The following ABI3BP variants were observed in gnomAD, a reference collection of about 807,000 sequenced individuals.
ABI3BP encodes the protein target of Nesh-SH3.
ABI3BP carries 216 observed loss-of-function variants against 268.6 expected under a neutral mutation model. The ratio of observed to expected loss-of-function variants is 0.80; its 90% confidence interval spans 0.72 to 0.90. The LOEUF is 0.90. ABI3BP is among the 40% of genes least tolerant of loss of function. The pLI, the probability that ABI3BP is intolerant of heterozygous loss-of-function variation, is 0.00. For missense variants in ABI3BP, 2,090 were observed against 2,182.4 expected (o/e 0.96, Z 0.84); for synonymous variants, 730 against 730.0 (o/e 1.00, Z 0.00).
At chr3:100,805,827 T>A (rs930798234) in intron 50 of ABI3BP, among the ~76,000 whole-genome samples, 5 of 152,066 alleles carry the variant, frequency 3.3e-5, no homozygotes, top group Non-Finnish European at 7.4e-5. Context: ...GTTATAAGAA[T>A]CCAATGTGAA....
At chr3:100,988,080 C>G (rs2092274183) in intron 1 of ABI3BP, among the ~76,000 whole-genome samples, 1 of 152,162 alleles carries the variant, frequency 6.6e-6, no homozygotes, top group Non-Finnish European at 1.5e-5. Flanking sequence ...CAGAACCACA[C>G]CAAGTAGGCT....
In ABI3BP at chr3:100,761,668, C is replaced by A. The variant is rs35627198; in HGVS notation, c.4850+4173G>T. 2.6e-5 allele frequency among the ~76,000 whole-genome samples: 4 copies of A among 152,116 alleles called. No individual in the cohort carries two copies. In the South Asian group the frequency reaches 8.3e-4, roughly 32 times the overall value. On this transcript the variant is annotated intron_variant, in intron 63 of 67. Coordinates refer to ENST00000471714, the MANE Select transcript of ABI3BP (RefSeq NM_001375547.2). ...GAAAGGTAGGGGAATACTCCACTGT[C>A]ACTCTGTTTCAGGATTAGGGTGTGA...
chr3:100,824,750 G>C, intron 36 of ABI3BP, 108 bp downstream of exon 36: 1 of 886,580 alleles, frequency 1.1e-6, no homozygotes, highest in Non-Finnish European at 1.7e-6. Context: ...TTATGCCCTC[G>C]TGCTTAGGGA....
At chr3:100,751,426 T>G (rs1218333401) in intron 67 of ABI3BP, 126 bp downstream of exon 67, 2 of 1,048,456 alleles carry the variant, frequency 1.9e-6, no homozygotes, top group Non-Finnish European at 2.5e-6. Context: ...AGTCTTCATT[T>G]TTTCCTAGAT....
intron 51 of ABI3BP, among the ~76,000 whole-genome samples, chr3:100,798,843 A>T (rs1447155352): frequency 6.6e-6 from 1 of 152,208 alleles, no homozygotes; most frequent in Non-Finnish European, 1.5e-5. Context: ...AAAGTAAGAC[A>T]TATAGACTAC....
chr3:100,775,767 T>G (rs2096682704), intron 59 of ABI3BP, among the ~76,000 whole-genome samples: 1 of 152,124 alleles, frequency 6.6e-6, no homozygotes, highest in Non-Finnish European at 1.5e-5. Flanking sequence ...TGTGTTTAAC[T>G]TGAAGGGGTA....
At chr3:100,820,862 ATGG>A (rs1243783932) in intron 39 of ABI3BP, among the ~76,000 whole-genome samples, 189 bp downstream of exon 39, 2 of 152,228 alleles carry the variant, frequency 1.3e-5, no homozygotes, top group Admixed American at 1.3e-4. Flanking sequence ...AGGTTCATGC[ATGG>A]CTCTTTTAAA....
At chr3:100,829,760 G>A in intron 32 of ABI3BP, 96 bp from the exon 33 acceptor site, 1 of 979,360 alleles carries the variant, frequency 1.0e-6, no homozygotes, top group Non-Finnish European at 1.5e-6. Context: ...TCCAAGAAAT[G>A]TTTCTTTTGG....
At chr3:100,812,909 T>C (rs192200368) in intron 45 of ABI3BP, among the ~76,000 whole-genome samples, 2 of 152,048 alleles carry the variant, frequency 1.3e-5, no homozygotes, top group East Asian at 3.9e-4. Context: ...CCAGACAGGG[T>C]CTGGCTTTGT....
chr3:100,954,597 G>A (rs575155573), intron 1 of ABI3BP, among the ~76,000 whole-genome samples: 1 of 152,140 alleles, frequency 6.6e-6, no homozygotes, highest in East Asian at 1.9e-4. Flanking sequence ...AGAATGACAG[G>A]TACTTTACAA....
chr3:100,843,610 G>A, intron 20 of ABI3BP: 2 of 983,994 alleles, frequency 2.0e-6, no homozygotes, highest in South Asian at 4.7e-5. Flanking sequence ...GAGAGAGAGA[G>A]GAGAGTATGC....
At chr3:100,810,244 C>A (rs1300858225) in intron 49 of ABI3BP, among the ~76,000 whole-genome samples, 168 bp downstream of exon 49, 1 of 152,104 alleles carries the variant, frequency 6.6e-6, no homozygotes, top group Non-Finnish European at 1.5e-5. Flanking sequence ...AAGAACAACA[C>A]TGCCATTTGA....
At chr3:100,992,522 G>A (rs75677294) in intron 1 of ABI3BP, among the ~76,000 whole-genome samples, 2,426 of 152,270 alleles carry the variant, frequency 0.016, 30 homozygotes, top group Non-Finnish European at 0.028. Flanking sequence ...AGCCTTCACA[G>A]ACCTAGAGTT....
chr3:100,780,156 A>T lies in ABI3BP; in HGVS notation c.4216T>A (p.Ser1406Thr), dbSNP rs2096826235. ...SGADRNVSVD[S>T]THPTKKPGTR... The stretch of plus-strand genomic sequence containing the variant: ...CCTGGCTTTTTAGTGGGGTGGGTAG[A>T]GTCCACTGATACATTTCTATCAGCA... The change falls in exon 58 of 68, where the codon TCT (serine) becomes ACT (threonine). Residue 1406 changes from serine to threonine, a missense_variant. By Grantham distance (58) the Ser-to-Thr change is moderately conservative. Coordinates refer to ENST00000471714, the MANE Select transcript of ABI3BP (RefSeq NM_001375547.2). 1.2e-6 allele frequency: 2 copies of T among 1,612,902 alleles called. No homozygotes were observed. Among genetic ancestry groups the T allele is most frequent in the Non-Finnish European group, 1.7e-6 (2 of 1,179,228 alleles).
At position 100,749,973 on chromosome 3, in the gene ABI3BP, AGTTTAAATATAAAAAATT is replaced by A; in HGVS notation, c.*504_*521del. 2.8e-6 allele frequency: 1 copy of A among 353,032 alleles called. No individual in the cohort carries two copies. The highest frequency in any genetic ancestry group is 4.9e-6 in the Non-Finnish European group (1 of 206,050). 21.9% of individuals were successfully genotyped at this position (353,032 alleles called of 1,614,324 possible). On this transcript the variant is annotated 3_prime_UTR_variant, in exon 68 of 68. Transcript: ENST00000471714. ...TATTCAGCTGTTGCTAAAAAATTGAAGTTTAAATATAAAAAATTGAAGTTTAAATATAAATGTGAAAAT... is the reference window on the plus strand; with the variant it reads ...TATTCAGCTGTTGCTAAAAAATTGAAGAAGTTTAAATATAAATGTGAAAAT...
Position 100,916,585 on chromosome 3 carries a change from C to T in ABI3BP, c.259+9717G>A, listed in dbSNP as rs114235372. Among the ~76,000 whole-genome samples, 471 of 152,294 alleles carry T rather than the reference C, an allele frequency of 3.1e-3. 3 individuals are homozygous for T. The highest frequency in any genetic ancestry group is 0.011 in the African/African-American group (459 of 41,562). On this transcript the variant is annotated intron_variant, in intron 2 of 67. Coordinates refer to ENST00000471714, the MANE Select transcript of ABI3BP (RefSeq NM_001375547.2). ...TAATAGTACCTGCTTCATGGGGTTGCTCTAAGGATTTAATAACCCATTTCC... is the reference window on the plus strand; with the variant it reads ...TAATAGTACCTGCTTCATGGGGTTGTTCTAAGGATTTAATAACCCATTTCC...
At chr3:100,966,940 CTTT>C (rs201088816) in intron 1 of ABI3BP, among the ~76,000 whole-genome samples, 2 of 143,454 alleles carry the variant, frequency 1.4e-5, no homozygotes, top group African/African-American at 5.1e-5. Flanking sequence ...ATTTGTAAGG[CTTT>C]TTTTTTTTTC....
intron 63 of ABI3BP, among the ~76,000 whole-genome samples, chr3:100,765,383 G>T (rs1402424951): frequency 6.6e-6 from 1 of 152,172 alleles, no homozygotes; most frequent in Non-Finnish European, 1.5e-5. Flanking sequence ...AAGAATTGCT[G>T]TGCCTGAGAC....
intron 49 of ABI3BP, among the ~76,000 whole-genome samples, chr3:100,809,963 G>A (rs1381206269): frequency 6.6e-6 from 1 of 152,030 alleles, no homozygotes; most frequent in Non-Finnish European, 1.5e-5. Flanking sequence ...TAACTACAAG[G>A]TGACTGGCCA....
Sources: allele counts gnomAD v4.1 joint callset (sites outside exome capture counted in the v4.1 genomes callset), GRCh38; gene constraint gnomAD v4.1.1; transcripts MANE v1.5; gene names NCBI Gene and HGNC (gene_info 2026-07-23, HGNC 2026-07-21).